Variants in SH3TC2 observed in about 807,000 individuals in gnomAD.
SH3TC2 encodes SH3 domain and tetratricopeptide repeats 2.
A neutral mutation model predicts 124.5 loss-of-function variants in SH3TC2; 87 were observed. The ratio of observed to expected loss-of-function variants is 0.70; its 90% confidence interval spans 0.59 to 0.84. The LOEUF (loss-of-function observed/expected upper bound fraction) is 0.84, where lower values mean the gene tolerates loss of function less well. Ranked by LOEUF, SH3TC2 falls within the 40% of genes least tolerant of loss-of-function variation. The pLI, the probability that SH3TC2 is intolerant of heterozygous loss-of-function variation, is 0.00. For missense variants in SH3TC2, 1,536 were observed against 1,566.4 expected, an observed-to-expected ratio of 0.98 and a Z score of 0.33; for synonymous variants, 634 against 628.5, an observed-to-expected ratio of 1.01 and a Z score of -0.13.
intron 1 of SH3TC2, among the ~76,000 whole-genome samples, chr5:149,060,873 T>C (rs1370289452): frequency 6.6e-6 from 1 of 152,198 alleles, no homozygotes; most frequent in Non-Finnish European, 1.5e-5. Context: ...AAACTGAGGT[T>C]CAAAAAACAT....
intron 12 of SH3TC2, among the ~76,000 whole-genome samples, chr5:149,017,343 C>T (rs2127394476): frequency 6.6e-6 from 1 of 152,286 alleles, no homozygotes; most frequent in South Asian, 2.1e-4. Context: ...GACAAGACTC[C>T]CTAAGATCCC....
At chr5:149,008,149 C>G (rs1345369780) in intron 15 of SH3TC2, 1 of 153,486 alleles carries the variant, frequency 6.5e-6, no homozygotes, top group African/African-American at 2.4e-5. Flanking sequence ...GCCCAGAAGA[C>G]CCTCCTGGAA....
rs144764498 is a variant in SH3TC2 at position 148,985,719 on chromosome 5, A to T, written c.*18992T>A. ...AAGTTTTCATTTCTTTGATATAAAT[A>T]CCTAGGAGTAGCAATTCTGGATCAC... On this transcript the variant is annotated 3_prime_UTR_variant, in exon 17 of 17. Coordinates refer to ENST00000515425, the MANE Select transcript of SH3TC2 (RefSeq NM_024577.4). Among the ~76,000 whole-genome samples the T allele has an allele frequency of 2.9e-3, 438 of 152,330 alleles. 4 individuals are homozygous for T. Among genetic ancestry groups the T allele is most frequent in the African/African-American group, 0.01 (421 of 41,586 alleles).
At position 149,028,036 on chromosome 5, in the gene SH3TC2, A is replaced by G. The variant is rs1346503772; in HGVS notation, c.1696T>C (p.Ser566Pro). The G allele has an allele frequency of 6.2e-7, 1 of 1,613,984 alleles. No individual in the cohort carries two copies. The highest frequency in any genetic ancestry group is 1.3e-5 in the African/African-American group (1 of 74,934). The change falls in exon 11 of 17, where the codon TCC (serine) becomes CCC (proline). Residue 566 changes from serine to proline, a missense_variant. Transcript: ENST00000515425. ...TTGATGTACAGAGTGGCCACCAAGG[A>G]TAGGTCCTCAAATGCTCCATTGAGA... ...HILNGAFEDL[S>P]LVATLYINLA...
At position 149,027,283 on chromosome 5, in the gene SH3TC2, C is replaced by A. The variant is rs373153093; in HGVS notation, c.2449G>T (p.Asp817Tyr). The A allele has an allele frequency of 5.0e-6, 8 of 1,614,010 alleles. No homozygotes were observed. The African/African-American group carries it at 1.1e-4, about 22-fold the overall frequency. Residue 817 changes from aspartate (D) to tyrosine (Y), a missense_variant, in exon 11 of 17, where the codon GAT (aspartate) becomes TAT (tyrosine). By Grantham distance (160) the Asp-to-Tyr change is radical. This residue lies in a region of SH3TC2 where 1,102 missense variants were observed against 1,098.6 expected (regional missense o/e 1.00). Transcript: ENST00000515425. ...LLASQAKKALDVLEPLLCSLK... is the reference protein window; with the variant it reads ...LLASQAKKALYVLEPLLCSLK... ...GAGCATAGCAGTGGCTCAAGCACAT[C>A]CAAAGCCTTCTTGGCCTGGCTGGCT...
rs1265696683 is a variant in SH3TC2 at position 148,991,608 on chromosome 5, C to T, written c.*13103G>A. Among the ~76,000 whole-genome samples the T allele has an allele frequency of 1.3e-5, 2 of 152,198 alleles. No individual in the cohort carries two copies. The highest frequency in any genetic ancestry group is 2.9e-5 in the Non-Finnish European group (2 of 68,040). ...GTAGTAACATCAAGTAGTCTCCAGA[C>T]ATTGCAGCTGGGTGGTTGAAATGCT... is the stretch of plus-strand genomic sequence containing the variant. On this transcript the variant is annotated 3_prime_UTR_variant, in exon 17 of 17. Coordinates refer to ENST00000515425, the MANE Select transcript of SH3TC2 (RefSeq NM_024577.4).
rs1753467965 is a variant in SH3TC2, at chr5:148,994,302, C to G, written c.*10409G>C. On this transcript the variant is annotated 3_prime_UTR_variant, in exon 17 of 17. Coordinates refer to ENST00000515425, the MANE Select transcript of SH3TC2 (RefSeq NM_024577.4). ...TTCTTCACATGTGTTATGTGAATAA[C>G]TATACAATGCAATTACTTCTTGCAG... Among the ~76,000 whole-genome samples, 1 of 152,200 alleles carries G rather than the reference C, an allele frequency of 6.6e-6. No homozygotes were observed. Among genetic ancestry groups the G allele is most frequent in the African/African-American group, 2.4e-5 (1 of 41,442 alleles).
intron 2 of SH3TC2, 86 bp downstream of exon 2, chr5:149,052,056 G>C: frequency 2.1e-6 from 2 of 953,078 alleles, no homozygotes; most frequent in Non-Finnish European, 3.4e-6. Flanking sequence ...AGGGAAAGAG[G>C]GAGGGGCTCT....
intron 1 of SH3TC2, among the ~76,000 whole-genome samples, chr5:149,060,374 C>A (rs1349650752): frequency 6.6e-6 from 1 of 152,182 alleles, no homozygotes; most frequent in African/African-American, 2.4e-5. Flanking sequence ...CATGTGCAGT[C>A]CCCCCTGATT....
At chr5:149,015,534 C>G (rs1753856353) in intron 12 of SH3TC2, among the ~76,000 whole-genome samples, 1 of 152,216 alleles carries the variant, frequency 6.6e-6, no homozygotes, top group South Asian at 2.1e-4. Flanking sequence ...TTCTCCTGTG[C>G]CTGTGTTCCG....
chr5:149,004,920 G>A lies in SH3TC2; in HGVS notation c.3676-18C>T, dbSNP rs773805399. On this transcript the variant is annotated intron_variant, in intron 16 of 16. Transcript: ENST00000515425. ...TGGGCATCCTAACCCCGTGGTATGG[G>A]GGCAAAGAAGAGACAGCATTAGCAA... is the stretch of plus-strand genomic sequence containing the variant. 7.4e-6 allele frequency: 12 copies of A among 1,614,066 alleles called. No individual in the cohort carries two copies. In the African/African-American group the frequency reaches 1.1e-4, roughly 14 times the overall value.
Position 149,003,849 on chromosome 5 carries a change from CAAAAAA to C in SH3TC2, c.*856_*861del, listed in dbSNP as rs5872107. The C allele has an allele frequency of 1.0e-2, 1,707 of 170,922 alleles. No individual in the cohort carries two copies. The highest frequency in any genetic ancestry group is 0.015 in the South Asian group (353 of 23,168). 10.6% of individuals were successfully genotyped at this position (170,922 alleles called of 1,614,324 possible). A position where few individuals can be genotyped will look rare whatever the true frequency, so the allele number is the denominator to read the frequency against. ...CTGGGCAACAGAGGAGAAACTGTCT[CAAAAAA>C]AAAAAAAAAAAAAAAAGACATGTAT... On this transcript the variant is annotated 3_prime_UTR_variant, in exon 17 of 17. Coordinates refer to ENST00000515425, the MANE Select transcript of SH3TC2 (RefSeq NM_024577.4).
Position 149,007,019 on chromosome 5 carries a change from C to A in SH3TC2, c.3537G>T (p.Leu1179=), listed in dbSNP as rs1221022407. The change falls in exon 16 of 17, where the codon CTG becomes CTT. Residue 1179 remains leucine (L), a synonymous_variant. Coordinates refer to ENST00000515425, the MANE Select transcript of SH3TC2 (RefSeq NM_024577.4). ...FHRLATVYYS[L]HMYEMAEDCY... is the part of the protein sequence containing the mutation. ...AGTCCTCAGCCATCTCATACATGTG[C>A]AGGGAGTAGTACACTGTAGCCAGGC... 2 of 1,614,190 alleles carry A rather than the reference C, an allele frequency of 1.2e-6. No individual in the cohort carries two copies. The highest frequency in any genetic ancestry group is 1.1e-5 in the South Asian group (1 of 91,082).
Position 148,982,571 on chromosome 5 carries a change from G to A in SH3TC2, c.*22140C>T, listed in dbSNP as rs951041614. Among the ~76,000 whole-genome samples, 3 of 152,180 alleles carry A rather than the reference G, an allele frequency of 2.0e-5. No individual in the cohort carries two copies. Among genetic ancestry groups the A allele is most frequent in the African/African-American group, 7.2e-5 (3 of 41,450 alleles). ...ATACTTTACAGCTGTAAAAATGAATGAGGATACTGTTTGTAGAGTCATATG... is the reference window on the plus strand; with the variant it reads ...ATACTTTACAGCTGTAAAAATGAATAAGGATACTGTTTGTAGAGTCATATG... On this transcript the variant is annotated 3_prime_UTR_variant, in exon 17 of 17. Coordinates refer to ENST00000515425, the MANE Select transcript of SH3TC2 (RefSeq NM_024577.4).
intron 5 of SH3TC2, among the ~76,000 whole-genome samples, chr5:149,042,464 C>A (rs1754387578): frequency 6.6e-6 from 1 of 152,162 alleles, no homozygotes; most frequent in East Asian, 1.9e-4. Context: ...CTTAGTAAAA[C>A]TCTCCAAGCA....
In SH3TC2 at chr5:149,063,033, T is replaced by C. The variant is rs746380049; in HGVS notation, c.-11A>G. 3 of 1,597,270 alleles carry C rather than the reference T, an allele frequency of 1.9e-6. No homozygotes were observed. The highest frequency in any genetic ancestry group is 1.7e-5 in the Admixed American group (1 of 58,222). The stretch of plus-strand genomic sequence containing the variant: ...GAAGCAGCCACCCATGTGTGTACCA[T>C]CCTACCCTGGCCGAGGCCCTTGGGA... On this transcript the variant is annotated 5_prime_UTR_variant, in exon 1 of 17. An upstream start codon of the reference 5' UTR is lost. Coordinates refer to ENST00000515425, the MANE Select transcript of SH3TC2 (RefSeq NM_024577.4).
At chr5:149,050,749 AAAAG>A (rs1204468167) in intron 2 of SH3TC2, among the ~76,000 whole-genome samples, 20 of 152,186 alleles carry the variant, frequency 1.3e-4, no homozygotes, top group African/African-American at 4.8e-4. Context: ...TGAAATTGGG[AAAAG>A]AAAGAACCTG....
chr5:149,009,077 C>G, intron 14 of SH3TC2, 76 bp from the exon 15 acceptor site: 2 of 1,592,880 alleles, frequency 1.3e-6, no homozygotes, highest in Non-Finnish European at 1.7e-6. Flanking sequence ...GACTTATCTT[C>G]TACAGGCAGG....
rs1431655244 is a variant in SH3TC2 at position 149,027,408 on chromosome 5, C to T, written c.2324G>A (p.Gly775Asp). The part of the protein sequence containing the change: ...KVYLEHRSPD[G>D]AIHYLSQALV... ...GGCCTGGCTCAGGTAGTGGATGGCACCGTCAGGAGACCTGTGCTCGAGGTA... is the reference window on the plus strand; with the variant it reads ...GGCCTGGCTCAGGTAGTGGATGGCATCGTCAGGAGACCTGTGCTCGAGGTA... The change falls in exon 11 of 17, where the codon GGT becomes GAT. Residue 775 changes from glycine to aspartate, a missense_variant. Gly to Asp is a moderately conservative substitution (Grantham distance 94, BLOSUM62 -1). Coordinates refer to ENST00000515425, the MANE Select transcript of SH3TC2 (RefSeq NM_024577.4). The T allele has an allele frequency of 1.2e-6, 2 of 1,614,000 alleles. No homozygotes were observed. Among genetic ancestry groups the T allele is most frequent in the African/African-American group, 1.3e-5 (1 of 74,950 alleles).
Sources: allele counts gnomAD v4.1 joint callset (sites outside exome capture counted in the v4.1 genomes callset), GRCh38; gene constraint gnomAD v4.1.1; regional missense constraint gnomAD v4.1.1; transcripts MANE v1.5; gene names NCBI Gene and HGNC (gene_info 2026-07-23, HGNC 2026-07-21).